STOX2: variants seen among roughly 807,000 people sequenced by gnomAD.
STOX2 encodes the protein storkhead box 2, also known as storkhead-box protein 2.
A neutral mutation model predicts 60.9 loss-of-function variants in STOX2; 28 were observed. That is an observed-to-expected ratio of 0.46 (90% confidence interval 0.34 to 0.63). STOX2 has a LOEUF of 0.63. STOX2 is among the 30% of genes least tolerant of loss of function. The pLI, the probability that STOX2 is intolerant of heterozygous loss-of-function variation, is 0.01. For synonymous variants in STOX2, 472 were observed against 463.9 expected (o/e 1.02, Z -0.22); for missense variants, 1,024 against 1,187.7 (o/e 0.86, Z 2.03).
intron 1 of STOX2, among the ~76,000 whole-genome samples, chr4:183,967,084 T>C (rs1042941197): frequency 3.3e-5 from 5 of 152,070 alleles, no homozygotes; most frequent in Admixed American, 6.6e-5. Context: ...TGAGAGGGGC[T>C]GGGCACGGTG....
At chr4:183,878,698 G>A (rs780575953) in intron 1 of STOX2, among the ~76,000 whole-genome samples, 3 of 152,186 alleles carry the variant, frequency 2.0e-5, no homozygotes, top group Non-Finnish European at 4.4e-5. Flanking sequence ...GAAGGACTCT[G>A]CCTTCTCAAA....
intron 1 of STOX2, among the ~76,000 whole-genome samples, chr4:183,881,768 G>A (rs185737125): frequency 2.0e-5 from 3 of 152,254 alleles, no homozygotes; most frequent in East Asian, 1.9e-4. Context: ...TTCGTAGCAC[G>A]AAATAGACTT....
At chr4:183,866,817 C>G (rs775045350) in intron 1 of STOX2, among the ~76,000 whole-genome samples, 1 of 151,996 alleles carries the variant, frequency 6.6e-6, no homozygotes, top group Admixed American at 6.6e-5. Context: ...AGTTGGAGGC[C>G]GCAGTGAGTG....
At chr4:183,971,425 T>C (rs905040387) in intron 1 of STOX2, among the ~76,000 whole-genome samples, 1 of 152,192 alleles carries the variant, frequency 6.6e-6, no homozygotes, top group Admixed American at 6.5e-5. Context: ...TGTCTCCTGA[T>C]CCACCTAACA....
At chr4:183,909,016 T>G (rs773185382) in intron 1 of STOX2, among the ~76,000 whole-genome samples, 2 of 152,196 alleles carry the variant, frequency 1.3e-5, no homozygotes, top group African/African-American at 4.8e-5. Context: ...ATTCTTTATT[T>G]TAACTGTTAG....
chr4:183,865,634 T>G lies in STOX2; in HGVS notation c.364+67579T>G, dbSNP rs561499911. 9.6e-4 allele frequency among the ~76,000 whole-genome samples: 146 copies of G among 152,170 alleles called. No individual in the cohort carries two copies. The highest frequency in any genetic ancestry group is 1.8e-3 in the Non-Finnish European group (124 of 68,006). ...GTAGATAGAAAGAATTTATGGGATG[T>G]AAAGAAAAAAATTCACTGAAGAGGA... On this transcript the variant is annotated intron_variant, in intron 1 of 2. Coordinates refer to the STOX2 transcript ENST00000513034. The surrounding 1 kb of genome is among the most constrained non-coding windows in gnomAD (Gnocchi z 4.1).
rs56043761 is a variant in STOX2, at chr4:183,977,546, C to CGTGTGTGTGTGTGTGTGTGTGTGTGTGT, written c.167-23761_167-23760insGTGTGTGTGTGTGTGTGTGTGTGTGTGT. Reference sequence around the variant, plus strand: ...TTTATGGCTGAGTAGCATTCCATTTCGTGTGTGTGTGTGTGTGTATCACAT... The same window carrying CGTGTGTGTGTGTGTGTGTGTGTGTGTGT: ...TTTATGGCTGAGTAGCATTCCATTTCGTGTGTGTGTGTGTGTGTGTGTGTGTGTGTGTGTGTGTGTGTGTGTATCACAT... On this transcript the variant is annotated intron_variant, in intron 1 of 3. Coordinates refer to ENST00000308497, the MANE Select transcript of STOX2 (RefSeq NM_020225.3). Among the ~76,000 whole-genome samples the CGTGTGTGTGTGTGTGTGTGTGTGTGTGT allele has an allele frequency of 2.0e-3, 297 of 147,884 alleles. 1 individual carries two copies. Among genetic ancestry groups the CGTGTGTGTGTGTGTGTGTGTGTGTGTGT allele is most frequent in the East Asian group, 0.012 (62 of 4,966 alleles).
chr4:183,907,059 C>G, intron 1 of STOX2, 103 bp downstream of exon 1: 1 of 1,015,484 alleles, frequency 9.8e-7, no homozygotes, highest in Non-Finnish European at 1.4e-6. Flanking sequence ...GTGATGGATG[C>G]GATAAGTTAT....
intron 1 of STOX2, among the ~76,000 whole-genome samples, chr4:183,817,206 G>T (rs990168250): frequency 2.0e-5 from 3 of 152,210 alleles, no homozygotes; most frequent in African/African-American, 7.2e-5. Flanking sequence ...CAACTATTTT[G>T]GGGGCTGATC....
rs1740536679 is a variant in STOX2 at position 183,865,248 on chromosome 4, A to T, written c.364+67193A>T. Among the ~76,000 whole-genome samples the T allele has an allele frequency of 2.6e-5, 4 of 152,308 alleles. No homozygotes were observed. The South Asian group carries it at 6.2e-4, about 24-fold the overall frequency. On this transcript the variant is annotated intron_variant, in intron 1 of 2. Transcript: ENST00000513034. The surrounding 1 kb of genome is among the most constrained non-coding windows in gnomAD (Gnocchi z 4.1). Reference sequence around the variant, plus strand: ...CAGCACAAACTCCATTGAATGAAAAAAATAGTTTATATTTTGTTTTGAAAT... The same window carrying T: ...CAGCACAAACTCCATTGAATGAAAATAATAGTTTATATTTTGTTTTGAAAT...
intron 1 of STOX2, among the ~76,000 whole-genome samples, chr4:183,917,464 T>C (rs1431461032): frequency 6.6e-6 from 1 of 152,242 alleles, no homozygotes; most frequent in Non-Finnish European, 1.5e-5. Flanking sequence ...AACTTCCATT[T>C]AGATTAGATG....
chr4:183,861,738 A>T (rs1486212309), intron 1 of STOX2, among the ~76,000 whole-genome samples: 1 of 152,230 alleles, frequency 6.6e-6, no homozygotes, highest in African/African-American at 2.4e-5. Flanking sequence ...CGTAGGGCTC[A>T]TTGTGGGTCC....
intron 1 of STOX2, among the ~76,000 whole-genome samples, chr4:183,958,870 T>G (rs957647618): frequency 2.6e-5 from 4 of 152,164 alleles, no homozygotes; most frequent in Non-Finnish European, 5.9e-5. Context: ...GGACTCCTTT[T>G]CAGTGATATT....
chr4:183,804,102 G>A (rs1020814383), intron 1 of STOX2, among the ~76,000 whole-genome samples: 7 of 152,126 alleles, frequency 4.6e-5, no homozygotes, highest in Non-Finnish European at 8.8e-5. Context: ...ATTGATCACC[G>A]ACTATTTTCT....
intron 1 of STOX2, among the ~76,000 whole-genome samples, chr4:183,928,609 G>A (rs911942297): frequency 6.6e-5 from 10 of 152,062 alleles, no homozygotes; most frequent in East Asian, 1.9e-4. Context: ...TCCTGTGAGC[G>A]TGGACCTGAA....
intron 1 of STOX2, among the ~76,000 whole-genome samples, chr4:183,929,125 G>A (rs1313894078): frequency 6.6e-6 from 1 of 152,140 alleles, no homozygotes; most frequent in South Asian, 2.1e-4. Flanking sequence ...TTTAGTTATT[G>A]GGAAAATTAC....
At chr4:183,876,157 A>T (rs1740823988) in intron 1 of STOX2, among the ~76,000 whole-genome samples, 1 of 152,162 alleles carries the variant, frequency 6.6e-6, no homozygotes, top group South Asian at 2.1e-4. Context: ...CGTCTTGCAG[A>T]CACCTGAACC....
intron 1 of STOX2, among the ~76,000 whole-genome samples, chr4:183,886,874 C>A (rs1472964149): frequency 3.3e-5 from 5 of 152,162 alleles, no homozygotes; most frequent in African/African-American, 7.2e-5. Context: ...CTTCTACACA[C>A]GAAGAATAAT....
Position 184,020,869 on chromosome 4 carries a change from C to T in STOX2, c.*3585C>T, listed in dbSNP as rs1375634907. The stretch of plus-strand genomic sequence containing the variant: ...GTTCCCAGGTCCCTCTTTTTCATAG[C>T]CCAACCAGCATCTAAAATGTAAATT... On this transcript the variant is annotated 3_prime_UTR_variant, in exon 4 of 4. Coordinates refer to ENST00000308497, the MANE Select transcript of STOX2 (RefSeq NM_020225.3). 1.3e-5 allele frequency: 2 copies of T among 152,136 alleles called. No individual in the cohort carries two copies. Among genetic ancestry groups the T allele is most frequent in the African/African-American group, 2.4e-5 (1 of 41,410 alleles). The allele number at this position is 152,136 out of a possible 1,614,324, so 9.4% of individuals were successfully genotyped here.
Sources: gnomAD v4.1 joint callset for allele counts (sites outside exome capture counted in the v4.1 genomes callset) on GRCh38, gnomAD v4.1.1 for gene constraint, Gnocchi (gnomAD v3.1) non-coding constraint, MANE v1.5 for transcripts, NCBI Gene and HGNC (gene_info 2026-07-23, HGNC 2026-07-21) for gene names.